CAPN14: variants seen among roughly 807,000 people sequenced by gnomAD.
CAPN14 encodes the protein calpain 14, also known as calpain-14.
In CAPN14, 94 loss-of-function variants were observed where a neutral mutation model predicts 101.3. That is an observed-to-expected ratio of 0.93 (90% confidence interval 0.79 to 1.10). The LOEUF (loss-of-function observed/expected upper bound fraction) is 1.10. Ranked by LOEUF, CAPN14 falls within the 50% of genes least tolerant of loss-of-function variation. CAPN14 has a pLI of 0.00. For missense variants in CAPN14, 837 were observed against 828.4 expected, an observed-to-expected ratio of 1.01 and a Z score of -0.13; for synonymous variants, 338 against 317.9, an observed-to-expected ratio of 1.06 and a Z score of -0.67.
At chr2:31,174,841 A>T (rs1300086403) in intron 21 of CAPN14, 134 bp from the exon 22 acceptor site, 1 of 771,016 alleles carries the variant, frequency 1.3e-6, no homozygotes, top group Non-Finnish European at 2.1e-6. Context: ...CATATCATCC[A>T]TTAGGAAGTA....
intron 9 of CAPN14, among the ~76,000 whole-genome samples, chr2:31,194,208 C>A (rs1043940470): frequency 1.3e-5 from 2 of 152,194 alleles, no homozygotes; most frequent in Non-Finnish European, 2.9e-5. Context: ...ACCCTAGTGG[C>A]CTCTACTCTC....
chr2:31,215,221 A>C, intron 1 of CAPN14, among the ~76,000 whole-genome samples: 1 of 152,032 alleles, frequency 6.6e-6, no homozygotes, highest in Admixed American at 6.5e-5. Context: ...TGAACATTTG[A>C]CAACACATTT....
chr2:31,178,396 G>T, intron 18 of CAPN14, 115 bp downstream of exon 18: 1 of 766,632 alleles, frequency 1.3e-6, no homozygotes, highest in Middle Eastern at 2.3e-4. Flanking sequence ...GAATAGAGAA[G>T]GTTTGGTGAG....
intron 2 of CAPN14, among the ~76,000 whole-genome samples, chr2:31,223,291 C>T (rs888596975): frequency 6.6e-6 from 1 of 152,202 alleles, no homozygotes; most frequent in African/African-American, 2.4e-5. Flanking sequence ...CTTTGGCTCA[C>T]CCTCTATCCA....
chr2:31,187,637 G>C (rs1680967389), intron 15 of CAPN14, 121 bp downstream of exon 15: 1 of 807,750 alleles, frequency 1.2e-6, no homozygotes, highest in Admixed American at 2.8e-5. Flanking sequence ...TGGGCAATAG[G>C]TAGCCTTAAA....
intron 15 of CAPN14, among the ~76,000 whole-genome samples, 161 bp from the exon 16 acceptor site, chr2:31,186,646 T>A (rs917709163): frequency 1.3e-5 from 2 of 152,218 alleles, no homozygotes; most frequent in African/African-American, 2.4e-5. Flanking sequence ...TGGCAGGGCA[T>A]GACTTTCAAG....
chr2:31,184,670 T>A (rs924397417), intron 16 of CAPN14, among the ~76,000 whole-genome samples: 1 of 152,358 alleles, frequency 6.6e-6, no homozygotes, highest in Middle Eastern at 3.4e-3. Flanking sequence ...TTTTCTTCAT[T>A]TGCCATGCAC....
chr2:31,202,226 G>T lies in CAPN14; in HGVS notation c.322C>A (p.Gln108Lys). The part of the protein sequence containing the change: ...VGDCWFLAAL[Q>K]ALALHQDILS... ...ATGTCCTGGTGCAAGGCCAGAGCTT[G>T]CAAAGCAGCCAAGAACCAGCAGTCT... Residue 108 changes from glutamine (Q) to lysine (K), a missense_variant, in exon 4 of 22, where the codon CAA becomes AAA. Transcript: ENST00000403897. 6.4e-7 allele frequency: 1 copy of T among 1,551,546 alleles called. No homozygotes were observed. Among genetic ancestry groups the T allele is most frequent in the Non-Finnish European group, 8.7e-7 (1 of 1,146,972 alleles).
intron 13 of CAPN14, 35 bp downstream of exon 13, chr2:31,189,238 G>A (rs1681056158): frequency 6.5e-7 from 1 of 1,539,954 alleles, no homozygotes; most frequent in East Asian, 2.4e-5. Context: ...CGTCCAAGTG[G>A]TCCCCACCCT....
intron 17 of CAPN14, among the ~76,000 whole-genome samples, chr2:31,179,863 T>C (rs1680501706): frequency 6.6e-6 from 1 of 152,230 alleles, no homozygotes; most frequent in Non-Finnish European, 1.5e-5. Flanking sequence ...AAATGTCTTC[T>C]TTTGAGAAGT....
upstream of CAPN14, among the ~76,000 whole-genome samples, chr2:31,222,105 G>A (rs1217440148): frequency 2.6e-5 from 4 of 152,216 alleles, no homozygotes; most frequent in Non-Finnish European, 2.9e-5. Context: ...TTATGGAGTT[G>A]TGTGGGCAAA....
intron 16 of CAPN14, among the ~76,000 whole-genome samples, 185 bp from the exon 17 acceptor site, chr2:31,181,185 A>G (rs913486617): frequency 1.3e-5 from 2 of 152,090 alleles, no homozygotes; most frequent in Admixed American, 1.3e-4. Context: ...ACCCATGGAG[A>G]AAGTCAAATG....
Position 31,194,435 on chromosome 2 carries a change from C to T in CAPN14, c.924G>A (p.Leu308=). The change falls in exon 9 of 22, where the codon CTG becomes CTA. Residue 308 remains leucine, a synonymous_variant. Transcript: ENST00000403897. ...AGAATTCTCCGTCATTGTCTTTCCT[C>T]AGAAGCAGAATCTTCTCCTTGGGGC... ...LLSPKEKILL[L]RKDNDGEFWM... is the part of the protein sequence containing the mutation. 1 of 1,551,522 alleles carries T rather than the reference C, an allele frequency of 6.4e-7. No homozygotes were observed. The highest frequency in any genetic ancestry group is 1.4e-5 in the African/African-American group (1 of 73,138).
chr2:31,178,388 AT>A, intron 18 of CAPN14, 122 bp downstream of exon 18: 1 of 732,140 alleles, frequency 1.4e-6, no homozygotes, highest in Non-Finnish European at 2.4e-6. Flanking sequence ...CGAAGGGAGA[AT>A]AGAGAAGGTT....
chr2:31,194,645 A>C (rs751528986), intron 8 of CAPN14, among the ~76,000 whole-genome samples, 162 bp from the exon 9 acceptor site: 10 of 152,256 alleles, frequency 6.6e-5, no homozygotes, highest in Non-Finnish European at 1.5e-4. Context: ...TTGATAGCTT[A>C]CTATGAGCCA....
intron 7 of CAPN14, 39 bp from the exon 8 acceptor site, chr2:31,197,373 G>A (rs761084375): frequency 1.2e-5 from 17 of 1,376,974 alleles, no homozygotes. Context: ...ACTGGGCTGA[G>A]TGCAAACATT....
intron 16 of CAPN14, among the ~76,000 whole-genome samples, chr2:31,181,639 A>G (rs1411900219): frequency 6.8e-6 from 1 of 146,928 alleles, no homozygotes; most frequent in Non-Finnish European, 1.5e-5. Flanking sequence ...GTCATTTAGC[A>G]TTAGGCATAT....
chr2:31,207,822 G>T (rs1361778482), intron 1 of CAPN14, among the ~76,000 whole-genome samples: 2 of 152,150 alleles, frequency 1.3e-5, no homozygotes, highest in African/African-American at 2.4e-5. Flanking sequence ...TTGATCAATT[G>T]CTATAAAAGT....
chr2:31,215,184 T>G (rs1029611986), intron 1 of CAPN14, among the ~76,000 whole-genome samples: 5 of 152,252 alleles, frequency 3.3e-5, no homozygotes, highest in Non-Finnish European at 7.3e-5. Context: ...TCCTTCTGAT[T>G]TTTTAAAACA....
Sources: gnomAD v4.1 joint callset for allele counts (sites outside exome capture counted in the v4.1 genomes callset) on GRCh38, gnomAD v4.1.1 for gene constraint, MANE v1.5 for transcripts, NCBI Gene and HGNC (gene_info 2026-07-23, HGNC 2026-07-21) for gene names.